ZNF471: variants seen among roughly 807,000 people sequenced by gnomAD.
The protein encoded by ZNF471 is EZFIT-related protein 1.
ZNF471 carries 7 observed loss-of-function variants against 13.7 expected under a neutral mutation model. The ratio of observed to expected loss-of-function variants is 0.51; its 90% confidence interval spans 0.29 to 0.96. The LOEUF is 0.96. Ranked by LOEUF, ZNF471 falls within the 40% of genes least tolerant of loss-of-function variation. ZNF471 has a pLI of 0.08. For missense variants in ZNF471, 663 were observed against 743.3 expected (o/e 0.89, Z 1.26); for synonymous variants, 218 against 235.6 (o/e 0.93, Z 0.68).
Position 56,516,253 on chromosome 19 carries a change from A to C in ZNF471, c.34-22A>C, listed in dbSNP as rs771506884. 5.0e-6 allele frequency: 8 copies of C among 1,611,090 alleles called. No homozygotes were observed. Among genetic ancestry groups the C allele is most frequent in the Middle Eastern group, 1.7e-4 (1 of 6,036 alleles). Reference sequence around the variant, plus strand: ...CTTTGGACACGAGCATTGGTTGGTTAAGAATATATTTGTCACTTCAGGACT... The same window carrying C: ...CTTTGGACACGAGCATTGGTTGGTTCAGAATATATTTGTCACTTCAGGACT... On this transcript the variant is annotated intron_variant, in intron 2 of 4. Transcript: ENST00000308031. This position sits in a 1 kb window ranked among gnomAD's most constrained non-coding sequence, Gnocchi z 4.4.
At chr19:56,517,182 C>T (rs1159918767) in intron 3 of ZNF471, among the ~76,000 whole-genome samples, 9 of 146,308 alleles carry the variant, frequency 6.2e-5, no homozygotes, top group East Asian at 2.0e-4. Flanking sequence ...TGCTCTGTTG[C>T]CCAGGCTGGA....
At position 56,525,615 on chromosome 19, in the gene ZNF471, A is replaced by G. The variant is rs137869694; in HGVS notation, c.1548A>G (p.Glu516=). ...TTCATACTGGAGAGAAGCCTTATGA[A>G]TGTATTGAATGTGGAAATGCTTTCA... ...QRIHTGEKPY[E]CIECGNAFKQ... The change falls in exon 5 of 5, where the codon GAA becomes GAG. Residue 516 remains glutamate (E), a synonymous_variant. Coordinates refer to ENST00000308031, the MANE Select transcript of ZNF471 (RefSeq NM_020813.4). 454 of 1,614,062 alleles carry G rather than the reference A, an allele frequency of 2.8e-4. 1 individual carries two copies. The highest frequency in any genetic ancestry group is 3.6e-4 in the Non-Finnish European group (425 of 1,180,050).
In ZNF471 at chr19:56,522,567, GA is replaced by G. The variant is rs2043987919; in HGVS notation, c.257-1753del. 6.6e-6 allele frequency among the ~76,000 whole-genome samples: 1 copy of G among 152,080 alleles called. No individual in the cohort carries two copies. The highest frequency in any genetic ancestry group is 2.1e-4 in the South Asian group (1 of 4,824). ...TCGATGATTTGCTATGGATGACATA[GA>G]AAAGGAAAGCCCTTCCTTTGCCTTT... On this transcript the variant is annotated intron_variant, in intron 4 of 4. Transcript: ENST00000308031. This position sits in a 1 kb window ranked among gnomAD's most constrained non-coding sequence, Gnocchi z 4.1.
In ZNF471 at chr19:56,508,746, TCTGA is replaced by T. The variant is rs2043769589; in HGVS notation, c.-56+828_-56+831del. On this transcript the variant is annotated intron_variant, in intron 1 of 4. Coordinates refer to ENST00000308031, the MANE Select transcript of ZNF471 (RefSeq NM_020813.4). The surrounding 1 kb of genome is among the most constrained non-coding windows in gnomAD (Gnocchi z 4.7). ...AGTGTGTGAGGCCGTGTTATGTGTGTCTGACAGACTGAGAGAGACCAGAGTGTGA... is the reference window on the plus strand; with the variant it reads ...AGTGTGTGAGGCCGTGTTATGTGTGTCAGACTGAGAGAGACCAGAGTGTGA... Among the ~76,000 whole-genome samples, 1 of 151,356 alleles carries T rather than the reference TCTGA, an allele frequency of 6.6e-6. No individual in the cohort carries two copies. The highest frequency in any genetic ancestry group is 2.1e-4 in the South Asian group (1 of 4,794).
intron 2 of ZNF471, among the ~76,000 whole-genome samples, chr19:56,512,495 C>T (rs1452894862): frequency 1.3e-5 from 2 of 151,932 alleles, no homozygotes; most frequent in East Asian, 1.9e-4. Context: ...TACATTTTTA[C>T]ATTACATGTA....
chr19:56,518,327 G>A (rs562105385), intron 3 of ZNF471, among the ~76,000 whole-genome samples, 155 bp from the exon 4 acceptor site: 24 of 151,664 alleles, frequency 1.6e-4, no homozygotes, highest in Non-Finnish European at 3.4e-4. Flanking sequence ...GTCTTACTAG[G>A]CTATTCCAGA....
In ZNF471 at chr19:56,528,726, C is replaced by T. The variant is rs181093553; in HGVS notation, c.*2778C>T. The T allele has an allele frequency of 5.9e-5, 9 of 151,940 alleles. No individual in the cohort carries two copies. Among genetic ancestry groups the T allele is most frequent in the Admixed American group, 3.3e-4 (5 of 15,248 alleles). 9.4% of individuals were successfully genotyped at this position (151,940 alleles called of 1,614,324 possible). ...AGTGGCTATATAGCTCTGGATAAAA[C>T]GAACAAAAGAATTAGAATTCCTGCG... is the stretch of plus-strand genomic sequence containing the variant. On this transcript the variant is annotated 3_prime_UTR_variant, in exon 5 of 5. Coordinates refer to ENST00000308031, the MANE Select transcript of ZNF471 (RefSeq NM_020813.4).
chr19:56,519,905 A>G (rs547770357), intron 4 of ZNF471, among the ~76,000 whole-genome samples: 10 of 152,212 alleles, frequency 6.6e-5, no homozygotes, highest in Non-Finnish European at 1.5e-4. Context: ...CCCTTTGTCT[A>G]GCACATCCAT....
intron 4 of ZNF471, among the ~76,000 whole-genome samples, chr19:56,520,090 A>T (rs967957936): frequency 6.6e-6 from 1 of 152,234 alleles, no homozygotes; most frequent in African/African-American, 2.4e-5. Context: ...GAAGGGAAAT[A>T]GACCCTGCTT....
At chr19:56,509,473 G>A (rs1018777511) in intron 1 of ZNF471, among the ~76,000 whole-genome samples, 1 of 152,212 alleles carries the variant, frequency 6.6e-6, no homozygotes, top group African/African-American at 2.4e-5. Context: ...CAAGGAGGGG[G>A]TCATAGGAAC....
In ZNF471 at chr19:56,508,405, G is replaced by A. The variant is rs968533552; in HGVS notation, c.-56+485G>A. Among the ~76,000 whole-genome samples the A allele has an allele frequency of 6.6e-6, 1 of 151,504 alleles. No individual in the cohort carries two copies. Among genetic ancestry groups the A allele is most frequent in the Non-Finnish European group, 1.5e-5 (1 of 67,910 alleles). ...AGCTCAGTGAGAGGTTGCGAGGTGT[G>A]TGGGTGTGTAAGTGTGTAACAGACC... is the stretch of plus-strand genomic sequence containing the variant. On this transcript the variant is annotated intron_variant, in intron 1 of 4. Transcript: ENST00000308031. The surrounding 1 kb of genome is among the most constrained non-coding windows in gnomAD (Gnocchi z 4.7).
rs768750703 is a variant in ZNF471 at position 56,525,535 on chromosome 19, A to G, written c.1468A>G (p.Lys490Glu). 1.2e-6 allele frequency: 2 copies of G among 1,614,020 alleles called. No individual in the cohort carries two copies. Among genetic ancestry groups the G allele is most frequent in the Non-Finnish European group, 1.7e-6 (2 of 1,180,016 alleles). Residue 490 changes from lysine to glutamate, a missense_variant, in exon 5 of 5, where the codon AAA (lysine) becomes GAA (glutamate). Physicochemically the swap from Lys to Glu is moderately conservative, Grantham distance 56. Transcript: ENST00000308031. ...TACTGGTGAAAAACCCTATGAATGT[A>G]AAGAATGTGGAAAAGCTTTTAGAAT... is the stretch of plus-strand genomic sequence containing the variant. ...IHTGEKPYEC[K>E]ECGKAFRISS...
chr19:56,516,622 C>G lies in ZNF471; in HGVS notation c.160+221C>G, dbSNP rs967180990. Among the ~76,000 whole-genome samples the G allele has an allele frequency of 1.3e-5, 2 of 152,190 alleles. No individual in the cohort carries two copies. The highest frequency in any genetic ancestry group is 4.8e-5 in the African/African-American group (2 of 41,442). ...TACACCCTTAAGGCAATTGGGAACA[C>G]AAGACACAATGTGAATCTCACCAGT... On this transcript the variant is annotated intron_variant, in intron 3 of 4. Transcript: ENST00000308031. This position sits in a 1 kb window ranked among gnomAD's most constrained non-coding sequence, Gnocchi z 4.4.
At position 56,522,725 on chromosome 19, in the gene ZNF471, ATTTT is replaced by A. The variant is rs2043989481; in HGVS notation, c.257-1596_257-1593del. Among the ~76,000 whole-genome samples, 1 of 149,614 alleles carries A rather than the reference ATTTT, an allele frequency of 6.7e-6. No individual in the cohort carries two copies. Among genetic ancestry groups the A allele is most frequent in the East Asian group, 2.0e-4 (1 of 5,122 alleles). On this transcript the variant is annotated intron_variant, in intron 4 of 4. Coordinates refer to ENST00000308031, the MANE Select transcript of ZNF471 (RefSeq NM_020813.4). This position sits in a 1 kb window ranked among gnomAD's most constrained non-coding sequence, Gnocchi z 4.1. The stretch of plus-strand genomic sequence containing the variant: ...TCTATGGTAAGTGATGTAGCAATAT[ATTTT>A]TTCTTTTTTTCTTTTTTTTTTTTTG...
intron 1 of ZNF471, chr19:56,509,715 G>GT (rs1491427145): frequency 5.4e-5 from 1 of 18,356 alleles, no homozygotes. Context: ...TGCTTGCCTG[G>GT]TGTGTGTGTG....
At position 56,525,898 on chromosome 19, in the gene ZNF471, A is replaced by T. The variant is rs140019625; in HGVS notation, c.1831A>T (p.Lys611Ter). Reference protein sequence around the residue: ...CFECGKAFRRKLSLICHQRSH... With the variant: ...CFECGKAFRR ...TGAATGTGGGAAGGCGTTCAGAAGA[A>T]AGTTATCCTTAATTTGTCATCAAAG... is the stretch of plus-strand genomic sequence containing the variant. The change falls in exon 5 of 5, where the codon AAG (lysine) becomes TAG (stop). Residue 611 changes from lysine to a stop codon, truncating the protein, a stop_gained. Coordinates refer to ENST00000308031, the MANE Select transcript of ZNF471 (RefSeq NM_020813.4). LOFTEE classifies it low-confidence loss of function (END_TRUNC). The T allele has an allele frequency of 4.4e-6, 7 of 1,584,816 alleles. No homozygotes were observed. In the African/African-American group the frequency reaches 8.2e-5, roughly 19 times the overall value.
chr19:56,518,807 C>A (rs564443644), intron 4 of ZNF471, among the ~76,000 whole-genome samples: 2 of 152,172 alleles, frequency 1.3e-5, no homozygotes, highest in Non-Finnish European at 2.9e-5. Flanking sequence ...AATCTTAAAT[C>A]TCTAAGATTT....
intron 4 of ZNF471, 96 bp downstream of exon 4, chr19:56,518,673 C>T: frequency 1.0e-6 from 1 of 986,090 alleles, no homozygotes; most frequent in Non-Finnish European, 1.5e-6. Flanking sequence ...CTCAGAAACT[C>T]TTCATAAGCC....
At chr19:56,517,896 C>T (rs2043915530) in intron 3 of ZNF471, among the ~76,000 whole-genome samples, 1 of 152,134 alleles carries the variant, frequency 6.6e-6, no homozygotes, top group South Asian at 2.1e-4. Context: ...AGTTTCGTTT[C>T]TGAGATATCC....
Sources: allele counts gnomAD v4.1 joint callset (sites outside exome capture counted in the v4.1 genomes callset), GRCh38; gene constraint gnomAD v4.1.1; non-coding constraint Gnocchi (gnomAD v3.1); transcripts MANE v1.5; gene names NCBI Gene and HGNC (gene_info 2026-07-23, HGNC 2026-07-21).